Variants in MSH4 observed in about 807,000 individuals in gnomAD.
The protein encoded by MSH4 is mutS homolog 4.
In MSH4, 106 loss-of-function variants were observed where a neutral mutation model predicts 113.7. The ratio of observed to expected loss-of-function variants is 0.93; its 90% CI spans 0.80 to 1.10. MSH4 has a LOEUF of 1.10. Among genes scored for constraint, MSH4 ranks in the 50% least tolerant of loss-of-function variants. The pLI is 0.00. For synonymous variants in MSH4, 368 were observed against 380.2 expected (o/e 0.97, Z 0.37); for missense variants, 1,061 against 1,093.7 (o/e 0.97, Z 0.42).
chr1:75,888,649 G>T (rs1180966383), intron 15 of MSH4, among the ~76,000 whole-genome samples: 1 of 150,814 alleles, frequency 6.6e-6, no homozygotes, highest in Admixed American at 6.6e-5. Flanking sequence ...ATAATTGCAC[G>T]CATTTAAGAG....
intron 6 of MSH4, among the ~76,000 whole-genome samples, chr1:75,817,952 C>A (rs1650326690): frequency 6.6e-6 from 1 of 152,080 alleles, no homozygotes; most frequent in Non-Finnish European, 1.5e-5. Context: ...TCCTTTCACA[C>A]CTCAGATTTG....
intron 8 of MSH4, among the ~76,000 whole-genome samples, chr1:75,866,616 C>G (rs1190208262): frequency 6.6e-6 from 1 of 151,934 alleles, no homozygotes; most frequent in African/African-American, 2.4e-5. Context: ...GGCATTTTTT[C>G]TAAATTGATG....
At chr1:75,885,519 A>C (rs1327212468) in intron 15 of MSH4, among the ~76,000 whole-genome samples, 3 of 120,656 alleles carry the variant, frequency 2.5e-5, no homozygotes, top group Non-Finnish European at 4.9e-5. Flanking sequence ...TATAACCTTC[A>C]CATTTATTTC....
chr1:75,820,939 C>T (rs1650394848), intron 6 of MSH4, among the ~76,000 whole-genome samples: 1 of 151,054 alleles, frequency 6.6e-6, no homozygotes, highest in African/African-American at 2.4e-5. Context: ...GACTTAGACT[C>T]CCACACAATA....
intron 2 of MSH4, among the ~76,000 whole-genome samples, chr1:75,805,253 A>G (rs1650034846): frequency 1.3e-5 from 2 of 152,192 alleles, no homozygotes; most frequent in African/African-American, 4.8e-5. Flanking sequence ...AAATAACATA[A>G]TAATGAGCAT....
rs2100509640 is a variant in MSH4 at position 75,810,424 on chromosome 1, T to TTTC, written c.589-271_589-270insCTT. 1.4e-5 allele frequency among the ~76,000 whole-genome samples: 2 copies of TTTC among 148,110 alleles called. 1 individual carries two copies. Among genetic ancestry groups the TTTC allele is most frequent in the South Asian group, 4.3e-4 (2 of 4,634 alleles). On this transcript the variant is annotated intron_variant, in intron 3 of 19. Coordinates refer to ENST00000263187, the MANE Select transcript of MSH4 (RefSeq NM_002440.4). ...GGGTAATTTTTGTATTTTTTTTTTT[T>TTTC]TTTTTTTTTTAGTAGAGACAGGGTT... is the stretch of plus-strand genomic sequence containing the variant.
chr1:75,823,674 T>C (rs1650480457), intron 7 of MSH4, among the ~76,000 whole-genome samples: 2 of 152,134 alleles, frequency 1.3e-5, no homozygotes, highest in Non-Finnish European at 2.9e-5. Context: ...CCCCTCCCTG[T>C]GCCCATGTGT....
At chr1:75,885,805 T>TTATATAGTATATA (rs1312355324) in intron 15 of MSH4, among the ~76,000 whole-genome samples, 2 of 119,974 alleles carry the variant, frequency 1.7e-5, no homozygotes, top group African/African-American at 3.2e-5. Flanking sequence ...ATATAATGTA[T>TTATATAGTATATA]TACATATTAT....
At chr1:75,831,589 C>G (rs1411913877) in intron 7 of MSH4, among the ~76,000 whole-genome samples, 1 of 152,200 alleles carries the variant, frequency 6.6e-6, no homozygotes, top group Non-Finnish European at 1.5e-5. Flanking sequence ...AACTGTCTCT[C>G]AGACCACAGT....
intron 3 of MSH4, 121 bp from the exon 4 acceptor site, chr1:75,810,576 T>C: frequency 2.2e-6 from 1 of 456,166 alleles, no homozygotes; most frequent in South Asian, 4.5e-5. Context: ...TTGAAATATA[T>C]CATTAGGACA....
chr1:75,901,631 A>T (rs76646808), intron 19 of MSH4, among the ~76,000 whole-genome samples: 98 of 152,248 alleles, frequency 6.4e-4, no homozygotes, highest in African/African-American at 2.3e-3. Flanking sequence ...GAATATAGAC[A>T]TCTCTTTGAT....
chr1:75,896,935 T>C (rs5745534), intron 17 of MSH4, among the ~76,000 whole-genome samples: 3 of 152,284 alleles, frequency 2.0e-5, no homozygotes, highest in Non-Finnish European at 4.4e-5. Flanking sequence ...TTTGATTTGT[T>C]GAGTAGGTAT....
intron 15 of MSH4, among the ~76,000 whole-genome samples, chr1:75,884,196 C>G (rs1652003314): frequency 1.3e-5 from 2 of 152,020 alleles, no homozygotes; most frequent in African/African-American, 2.4e-5. Flanking sequence ...CTTTAATAAT[C>G]CATGTGAGTT....
chr1:75,872,305 G>A (rs140893018), intron 9 of MSH4, among the ~76,000 whole-genome samples: 7 of 152,160 alleles, frequency 4.6e-5, no homozygotes, highest in Non-Finnish European at 7.4e-5. Context: ...TTTGCTTATT[G>A]CCTGCTTTGT....
intron 3 of MSH4, among the ~76,000 whole-genome samples, chr1:75,810,475 G>A (rs1054090209): frequency 7.1e-6 from 1 of 141,488 alleles, no homozygotes; most frequent in Admixed American, 7.6e-5. Flanking sequence ...GGTGGGTCTC[G>A]AACTCCTGGC....
intron 7 of MSH4, among the ~76,000 whole-genome samples, chr1:75,835,427 G>A (rs779198561): frequency 2.0e-5 from 3 of 152,092 alleles, no homozygotes; most frequent in East Asian, 1.9e-4. Flanking sequence ...AGTGTAATAC[G>A]TAAGTGCCAA....
intron 4 of MSH4, 125 bp downstream of exon 4, chr1:75,810,932 C>A: frequency 2.3e-6 from 1 of 439,042 alleles, no homozygotes. Context: ...AGTGAAAGGG[C>A]GTGATCTCGG....
At chr1:75,842,605 A>G (rs777374541) in intron 7 of MSH4, among the ~76,000 whole-genome samples, 17 of 152,188 alleles carry the variant, frequency 1.1e-4, no homozygotes, top group Non-Finnish European at 1.6e-4. Flanking sequence ...CAGGCCATAC[A>G]GAGATAGGAG....
intron 2 of MSH4, 103 bp downstream of exon 2, chr1:75,804,016 A>T: frequency 1.4e-6 from 1 of 737,758 alleles, no homozygotes; most frequent in Non-Finnish European, 1.9e-6. Flanking sequence ...TCTATAACTG[A>T]TATGAATGAA....
Sources: gnomAD v4.1 joint callset for allele counts (sites outside exome capture counted in the v4.1 genomes callset) on GRCh38, gnomAD v4.1.1 for gene constraint, MANE v1.5 for transcripts, NCBI Gene and HGNC (gene_info 2026-07-23, HGNC 2026-07-21) for gene names.